ATP6V0A1: variants seen among roughly 807,000 people sequenced by gnomAD.
The protein encoded by ATP6V0A1 is V-type proton ATPase 116 kDa subunit a 1.
A neutral mutation model predicts 105.4 loss-of-function variants in ATP6V0A1; 43 were observed. That is an observed-to-expected ratio of 0.41 (90% CI 0.32 to 0.53). The LOEUF (loss-of-function observed/expected upper bound fraction) is 0.53, where lower values mean the gene tolerates loss of function less well. Ranked by LOEUF, ATP6V0A1 falls within the 20% of genes least tolerant of loss-of-function variation. The pLI is 0.30. For synonymous variants in ATP6V0A1, 362 were observed against 372.8 expected, an observed-to-expected ratio of 0.97 and a Z score of 0.33; for missense variants, 676 against 1,051.1, an observed-to-expected ratio of 0.64 and a Z score of 4.93.
intron 9 of ATP6V0A1, 62 bp from the exon 10 acceptor site, chr17:42,487,093 A>G (rs1376737635): frequency 5.9e-6 from 9 of 1,518,468 alleles, no homozygotes; most frequent in Non-Finnish European, 8.2e-6. Flanking sequence ...TTTGCCATTC[A>G]TACCCTGAGA....
chr17:42,516,112 C>A (rs1298815504), intron 21 of ATP6V0A1, among the ~76,000 whole-genome samples: 2 of 152,170 alleles, frequency 1.3e-5, no homozygotes, highest in African/African-American at 4.8e-5. Context: ...ATGGGATGCT[C>A]TGTGGTGTTC....
At chr17:42,519,327 G>A (rs186834951) in intron 21 of ATP6V0A1, 3 of 152,520 alleles carry the variant, frequency 2.0e-5, no homozygotes, top group Non-Finnish European at 4.4e-5. Flanking sequence ...TAGCCAGGAG[G>A]GGGTGGGGGT....
Position 42,468,040 on chromosome 17 carries a change from A to G in ATP6V0A1, c.227A>G (p.Asn76Ser). The change falls in exon 4 of 22, where the codon AAC becomes AGC. Residue 76 changes from asparagine (N) to serine (S), a missense_variant. By Grantham distance (46) the Asn-to-Ser change is conservative. Transcript: ENST00000343619. ...GTTGAGAAAGAGATAAGAAAAGCTA[A>G]CATTCCGATTATGGACACCGGTGAA... Reference protein sequence around the residue: ...RFVEKEIRKANIPIMDTGENP... With the variant: ...RFVEKEIRKASIPIMDTGENP... The G allele has an allele frequency of 1.2e-6, 2 of 1,606,110 alleles. No homozygotes were observed. Among genetic ancestry groups the G allele is most frequent in the Non-Finnish European group, 1.7e-6 (2 of 1,176,142 alleles).
intron 5 of ATP6V0A1, among the ~76,000 whole-genome samples, chr17:42,474,300 C>G (rs1004780350): frequency 6.6e-6 from 1 of 151,940 alleles, no homozygotes; most frequent in Non-Finnish European, 1.5e-5. Context: ...CGCACCCAGC[C>G]TCCCCCTCCT....
chr17:42,485,992 A>G (rs2090071241), intron 9 of ATP6V0A1, among the ~76,000 whole-genome samples: 1 of 152,228 alleles, frequency 6.6e-6, no homozygotes, highest in Non-Finnish European at 1.5e-5. Context: ...ACAATTTTTC[A>G]GGGAGTAGTT....
chr17:42,499,061 G>C lies in ATP6V0A1; in HGVS notation c.1679+19G>C, dbSNP rs1567852469. ...ACCATATGTGAGTTGTTCCATTTCT[G>C]TCATAAGAATGTGCATAGTTTAGAG... On this transcript the variant is annotated intron_variant, in intron 15 of 21. Transcript: ENST00000343619. The C allele has an allele frequency of 2.6e-6, 4 of 1,526,190 alleles. No homozygotes were observed. The highest frequency in any genetic ancestry group is 3.4e-4 in the Middle Eastern group (2 of 5,894). 94.5% of individuals were successfully genotyped at this position (1,526,190 alleles called of 1,614,324 possible). A position where few individuals can be genotyped will look rare whatever the true frequency, so the allele number is the denominator to read the frequency against.
chr17:42,510,026 G>A (rs1043482919), intron 19 of ATP6V0A1: 3 of 151,246 alleles, frequency 2.0e-5, no homozygotes, highest in Non-Finnish European at 2.9e-5. Flanking sequence ...TCCCCATTTT[G>A]CTTGGCTGTG....
At chr17:42,505,023 A>T (rs183019067) in intron 17 of ATP6V0A1, among the ~76,000 whole-genome samples, 20 of 150,720 alleles carry the variant, frequency 1.3e-4, no homozygotes, top group African/African-American at 4.9e-4. Context: ...AGATTGTTTC[A>T]TAGTGATAAT....
chr17:42,520,730 A>T (rs550922305), intron 21 of ATP6V0A1: 1 of 426,166 alleles, frequency 2.3e-6, no homozygotes, highest in Non-Finnish European at 4.5e-6. Context: ...TGTTAGGCTC[A>T]AGGTAACTGA....
intron 9 of ATP6V0A1, among the ~76,000 whole-genome samples, chr17:42,485,605 A>T (rs1016778053): frequency 2.6e-5 from 4 of 152,126 alleles, no homozygotes; most frequent in Non-Finnish European, 5.9e-5. Flanking sequence ...CCCAGGCTGG[A>T]ATGCAGTGGC....
intron 1 of ATP6V0A1, 100 bp downstream of exon 1, chr17:42,459,063 G>T (rs188375464): frequency 3.9e-5 from 6 of 152,486 alleles, no homozygotes; most frequent in African/African-American, 1.4e-4. Flanking sequence ...AATTAGCGGG[G>T]ATCTGACGTC....
At chr17:42,517,135 C>A (rs1052776757) in intron 21 of ATP6V0A1, among the ~76,000 whole-genome samples, 2 of 152,164 alleles carry the variant, frequency 1.3e-5, no homozygotes, top group African/African-American at 2.4e-5. Context: ...CAAACATTAG[C>A]TGGGCGTGAT....
At chr17:42,504,798 A>G (rs1331266824) in intron 17 of ATP6V0A1, among the ~76,000 whole-genome samples, 2 of 152,176 alleles carry the variant, frequency 1.3e-5, no homozygotes, top group Admixed American at 6.5e-5. Flanking sequence ...GCTAACTAAG[A>G]AGAAAACCAC....
At chr17:42,505,213 G>T (rs1031604856) in intron 17 of ATP6V0A1, among the ~76,000 whole-genome samples, 1 of 149,044 alleles carries the variant, frequency 6.7e-6, no homozygotes, top group Non-Finnish European at 1.5e-5. Context: ...TTTTTGTTTT[G>T]TTTTGTTTTT....
In ATP6V0A1 at chr17:42,486,839, G is replaced by A. The variant is rs920829280; in HGVS notation, c.811-316G>A. Among the ~76,000 whole-genome samples the A allele has an allele frequency of 2.0e-5, 3 of 152,196 alleles. No homozygotes were observed. In the South Asian group the frequency reaches 6.2e-4, roughly 31 times the overall value. On this transcript the variant is annotated intron_variant, in intron 9 of 21. Coordinates refer to ENST00000343619, the MANE Select transcript of ATP6V0A1 (RefSeq NM_001130021.3). ...TACATTCCCCACATAGAAAGTCGTTGCTCTTTAATAAGCCAAGTTAAAGGC... is the reference window on the plus strand; with the variant it reads ...TACATTCCCCACATAGAAAGTCGTTACTCTTTAATAAGCCAAGTTAAAGGC...
chr17:42,485,313 G>C (rs1417619383), intron 9 of ATP6V0A1, among the ~76,000 whole-genome samples: 2 of 152,128 alleles, frequency 1.3e-5, no homozygotes, highest in Non-Finnish European at 2.9e-5. Context: ...GGGTTCTAAG[G>C]CTGTCTTAAT....
intron 7 of ATP6V0A1, 46 bp downstream of exon 7, chr17:42,478,635 A>G (rs1315527908): frequency 2.7e-6 from 4 of 1,491,998 alleles, no homozygotes; most frequent in Admixed American, 1.9e-5. Context: ...TTGTAAAGGG[A>G]GCCCAGAGCA....
chr17:42,501,171 AC>A (rs1392574874), intron 16 of ATP6V0A1, 25 bp from the exon 17 acceptor site: 1 of 1,570,220 alleles, frequency 6.4e-7, no homozygotes, highest in African/African-American at 1.4e-5. Flanking sequence ...TATATGATGT[AC>A]CTTGTCCTTC....
intron 5 of ATP6V0A1, among the ~76,000 whole-genome samples, chr17:42,474,461 C>T (rs1415569807): frequency 2.0e-5 from 3 of 152,158 alleles, no homozygotes; most frequent in African/African-American, 7.2e-5. Flanking sequence ...TGGCAAGAAC[C>T]TCTCTGCCTT....
Sources: allele counts gnomAD v4.1 joint callset (sites outside exome capture counted in the v4.1 genomes callset), GRCh38; gene constraint gnomAD v4.1.1; transcripts MANE v1.5; gene names NCBI Gene and HGNC (gene_info 2026-07-23, HGNC 2026-07-21).